Variants in ANKHD1 observed in about 807,000 individuals in gnomAD.
The protein encoded by ANKHD1 is ankyrin repeat and KH domain-containing protein 1.
In ANKHD1, 31 loss-of-function variants were observed where a neutral mutation model predicts 230.5. That is an observed-to-expected ratio of 0.13 (90% CI 0.10 to 0.18). ANKHD1 has a LOEUF of 0.18. Among genes scored for constraint, ANKHD1 ranks in the 10% least tolerant of loss-of-function variants. The pLI is 1.00. For synonymous variants in ANKHD1, 1,074 were observed against 1,117.6 expected (o/e 0.96, Z 0.78); for missense variants, 2,256 against 3,071.3 (o/e 0.73, Z 6.27).
chr5:140,488,247 T>C (rs892474090), intron 14 of ANKHD1, among the ~76,000 whole-genome samples: 1 of 152,102 alleles, frequency 6.6e-6, no homozygotes, highest in Non-Finnish European at 1.5e-5. Context: ...GGCTAAACCT[T>C]ATAGAGGACT....
chr5:140,537,723 G>C, intron 31 of ANKHD1, 134 bp downstream of exon 31: 1 of 1,355,896 alleles, frequency 7.4e-7, no homozygotes, highest in Non-Finnish European at 9.6e-7. Context: ...AGGGAAGGGT[G>C]TTTATATCTT....
chr5:140,529,239 C>T lies in ANKHD1; in HGVS notation c.6293C>T (p.Ser2098Phe). Residue 2098 changes from serine (S) to phenylalanine (F), a missense_variant, in exon 29 of 34, where the codon TCT becomes TTT. Coordinates refer to ENST00000360839, the MANE Select transcript of ANKHD1 (RefSeq NM_017747.3). ...DLSPMSMPFA[S>F]NSEPAPLTLT... ...AGTCCTATGTCAATGCCTTTTGCAT[C>T]TAACTCAGAACCTGCTCCATTGACT... 6.2e-7 allele frequency: 1 copy of T among 1,614,230 alleles called. No individual in the cohort carries two copies. Among genetic ancestry groups the T allele is most frequent in the Non-Finnish European group, 8.5e-7 (1 of 1,180,042 alleles).
intron 11 of ANKHD1, among the ~76,000 whole-genome samples, chr5:140,483,389 ATATT>A (rs1751369353): frequency 2.0e-5 from 3 of 150,968 alleles, no homozygotes; most frequent in African/African-American, 7.3e-5. Flanking sequence ...GATAAAAACT[ATATT>A]TATATTTTAA....
At chr5:140,469,073 A>C (rs2126990837) in intron 10 of ANKHD1, among the ~76,000 whole-genome samples, 1 of 152,148 alleles carries the variant, frequency 6.6e-6, no homozygotes, top group South Asian at 2.1e-4. Context: ...TCACAAATAT[A>C]AACTGATTTC....
At chr5:140,452,215 C>T (rs961103958) in intron 7 of ANKHD1, among the ~76,000 whole-genome samples, 10 of 152,192 alleles carry the variant, frequency 6.6e-5, no homozygotes, top group Non-Finnish European at 4.4e-5. Context: ...GTAAACAAAG[C>T]GGCTAGGAAG....
Position 140,511,246 on chromosome 5 carries a change from C to A in ANKHD1, c.4104+1065C>A, listed in dbSNP as rs116093368. 8.5e-3 allele frequency among the ~76,000 whole-genome samples: 1,294 copies of A among 152,260 alleles called. 13 individuals are homozygous for A. Among genetic ancestry groups the A allele is most frequent in the African/African-American group, 0.03 (1,229 of 41,530 alleles). On this transcript the variant is annotated intron_variant, in intron 22 of 33. Coordinates refer to ENST00000360839, the MANE Select transcript of ANKHD1 (RefSeq NM_017747.3). ...AACTACTTAGTAGGGCATGTAAAGA[C>A]CTGCATAATAAGCTTCATGTCAACC...
chr5:140,490,198 T>G lies in ANKHD1; in HGVS notation c.2245+3138T>G, dbSNP rs373071007. On this transcript the variant is annotated intron_variant, in intron 14 of 33. Coordinates refer to ENST00000360839, the MANE Select transcript of ANKHD1 (RefSeq NM_017747.3). ...GTGATTAGGGATGGACAAAGGGTTC[T>G]TATTCCCTAGGACTCTCTTTTCCTC... Among the ~76,000 whole-genome samples, 135 of 152,322 alleles carry G rather than the reference T, an allele frequency of 8.9e-4. 2 individuals are homozygous for G. The highest frequency in any genetic ancestry group is 3.1e-3 in the African/African-American group (127 of 41,576).
intron 14 of ANKHD1, 23 bp downstream of exon 14, chr5:140,487,083 T>C: frequency 6.3e-7 from 1 of 1,599,304 alleles, no homozygotes. Context: ...ATTATTTTTC[T>C]TAAAATGGGT....
At chr5:140,509,174 G>A (rs964335373) in intron 20 of ANKHD1, among the ~76,000 whole-genome samples, 9 of 152,128 alleles carry the variant, frequency 5.9e-5, no homozygotes, top group African/African-American at 2.2e-4. Flanking sequence ...TTCATTGTGT[G>A]CCACTCATCC....
intron 6 of ANKHD1, among the ~76,000 whole-genome samples, chr5:140,447,208 TTTA>T: frequency 6.6e-6 from 1 of 150,886 alleles, no homozygotes; most frequent in Non-Finnish European, 1.5e-5. Flanking sequence ...TGGCCTATTT[TTTA>T]TTATTTTTAG....
chr5:140,499,309 C>T (rs987629305), intron 15 of ANKHD1, among the ~76,000 whole-genome samples: 4 of 151,832 alleles, frequency 2.6e-5, no homozygotes, highest in Non-Finnish European at 5.9e-5. Flanking sequence ...AGGTTAATAC[C>T]TAATGCTGTA....
In ANKHD1 at chr5:140,505,760, A is replaced by G. The variant is rs1227448096; in HGVS notation, c.3299A>G (p.His1100Arg). The change falls in exon 18 of 34, where the codon CAT becomes CGT. Residue 1100 changes from histidine (H) to arginine (R), a missense_variant. By Grantham distance (29) the His-to-Arg change is conservative. This residue lies in a region of ANKHD1 where 63 missense variants were observed against 125.5 expected (regional missense o/e 0.50). Transcript: ENST00000360839. ...TPLILAATAG[H>R]VGVVEILLDK... ...CTAATCCTGGCAGCAACAGCAGGGC[A>G]TGTTGGAGTTGTTGAAATCCTTTTG... 1.2e-6 allele frequency: 2 copies of G among 1,612,862 alleles called. No individual in the cohort carries two copies. The highest frequency in any genetic ancestry group is 1.7e-6 in the Non-Finnish European group (2 of 1,179,648).
At chr5:140,493,524 A>G (rs1751899693) in intron 14 of ANKHD1, among the ~76,000 whole-genome samples, 1 of 152,194 alleles carries the variant, frequency 6.6e-6, no homozygotes, top group Middle Eastern at 3.2e-3. Flanking sequence ...TTGTTGCTAA[A>G]AGAATACTTG....
intron 29 of ANKHD1, among the ~76,000 whole-genome samples, chr5:140,530,365 C>T (rs1753759995): frequency 6.6e-6 from 1 of 152,132 alleles, no homozygotes; most frequent in Non-Finnish European, 1.5e-5. Flanking sequence ...GCATGCGCCA[C>T]CATGCCCGGC....
intron 14 of ANKHD1, 55 bp from the exon 15 acceptor site, chr5:140,496,461 CTTTT>C (rs770445733): frequency 7.8e-4 from 402 of 512,444 alleles, no homozygotes; most frequent in African/African-American, 1.1e-3. Context: ...TTTTTCTTTT[CTTTT>C]TTTTTTTTTT....
chr5:140,538,892 A>ATATC (rs747558662), intron 32 of ANKHD1, 27 bp from the exon 33 acceptor site: 1 of 1,473,146 alleles, frequency 6.8e-7, no homozygotes, highest in Admixed American at 2.5e-5. Context: ...TAATTTTAAG[A>ATATC]TTAAATCTTT....
chr5:140,470,281 TTC>T (rs1166997736), intron 10 of ANKHD1, among the ~76,000 whole-genome samples: 2 of 152,208 alleles, frequency 1.3e-5, no homozygotes, highest in African/African-American at 4.8e-5. Flanking sequence ...AGTGAATACT[TTC>T]TGTCTGAAGA....
intron 10 of ANKHD1, among the ~76,000 whole-genome samples, chr5:140,478,915 A>G (rs1751112022): frequency 6.6e-6 from 1 of 152,098 alleles, no homozygotes; most frequent in Admixed American, 6.5e-5. Context: ...AAGTGCTGGG[A>G]TTAAAGGCAT....
intron 6 of ANKHD1, among the ~76,000 whole-genome samples, chr5:140,448,336 G>T (rs1289684537): frequency 1.3e-5 from 2 of 152,164 alleles, no homozygotes; most frequent in African/African-American, 4.8e-5. Flanking sequence ...TAAAAACACT[G>T]ATCACATCCT....
Sources: gnomAD v4.1 joint callset for allele counts (sites outside exome capture counted in the v4.1 genomes callset) on GRCh38, gnomAD v4.1.1 for gene constraint, gnomAD v4.1.1 regional missense constraint, MANE v1.5 for transcripts, NCBI Gene and HGNC (gene_info 2026-07-23, HGNC 2026-07-21) for gene names.